Variants in APLP2 observed in about 807,000 individuals in gnomAD.
APLP2 encodes the protein amyloid beta precursor like protein 2, also known as CDEI box-binding protein.
In APLP2, 53 loss-of-function variants were observed where a neutral mutation model predicts 89.9. That is an observed-to-expected ratio of 0.59 (90% CI 0.47 to 0.74). The LOEUF (loss-of-function observed/expected upper bound fraction) is 0.74, where lower values mean the gene tolerates loss of function less well. APLP2 is among the 30% of genes least tolerant of loss of function. The pLI is 0.00. For synonymous variants in APLP2, 372 were observed against 348.6 expected, an observed-to-expected ratio of 1.07 and a Z score of -0.75; for missense variants, 973 against 975.9, an observed-to-expected ratio of 1.00 and a Z score of 0.04.
chr11:130,127,054 A>G (rs1950447621), intron 8 of APLP2, among the ~76,000 whole-genome samples: 1 of 134,414 alleles, frequency 7.4e-6, no homozygotes, highest in South Asian at 2.2e-4. Context: ...TTCCTATACC[A>G]TTATCTGCCC....
chr11:130,081,201 T>C (rs1387365066), intron 1 of APLP2, among the ~76,000 whole-genome samples: 3 of 152,224 alleles, frequency 2.0e-5, no homozygotes, highest in Non-Finnish European at 2.9e-5. Flanking sequence ...TCATTACATA[T>C]TTTGTAACGT....
chr11:130,088,971 A>C (rs901022984), intron 1 of APLP2, among the ~76,000 whole-genome samples: 1 of 151,964 alleles, frequency 6.6e-6, no homozygotes, highest in South Asian at 2.1e-4. Flanking sequence ...TCTGGTGGAC[A>C]AAAAACGCGG....
At chr11:130,110,429 A>G in intron 2 of APLP2, 109 bp from the exon 3 acceptor site, 3 of 1,315,394 alleles carry the variant, frequency 2.3e-6, no homozygotes, top group Non-Finnish European at 2.1e-6. Context: ...CTTTAGATGT[A>G]TGTAGGATAA....
chr11:130,103,995 C>T (rs966198042), intron 1 of APLP2, among the ~76,000 whole-genome samples: 21 of 152,112 alleles, frequency 1.4e-4, no homozygotes, highest in African/African-American at 4.8e-4. Flanking sequence ...ACGTATTTAT[C>T]ATGTCTTCTT....
At chr11:130,082,694 G>A in intron 1 of APLP2, 2 of 198,752 alleles carry the variant, frequency 1.0e-5, no homozygotes, top group South Asian at 7.6e-5. Flanking sequence ...GTCAGCCTGG[G>A]CACACGCCAC....
chr11:130,110,197 C>T (rs1948374433), intron 2 of APLP2, among the ~76,000 whole-genome samples: 1 of 152,228 alleles, frequency 6.6e-6, no homozygotes, highest in African/African-American at 2.4e-5. Context: ...TTTCCATAGA[C>T]TTGCCTCACG....
chr11:130,136,333 T>A (rs902380629), intron 13 of APLP2, among the ~76,000 whole-genome samples: 2 of 152,192 alleles, frequency 1.3e-5, no homozygotes, highest in Admixed American at 1.3e-4. Flanking sequence ...ATGATAAGAA[T>A]GGCCCACAGC....
chr11:130,081,437 C>G (rs894590256), intron 1 of APLP2, among the ~76,000 whole-genome samples: 1 of 152,166 alleles, frequency 6.6e-6, no homozygotes, highest in African/African-American at 2.4e-5. Flanking sequence ...CTATTTTACC[C>G]TCATTTTATA....
At chr11:130,083,428 T>G (rs1006308277) in intron 1 of APLP2, among the ~76,000 whole-genome samples, 3 of 152,212 alleles carry the variant, frequency 2.0e-5, no homozygotes, top group African/African-American at 7.2e-5. Context: ...GAAAATGTTA[T>G]ACAGCAAATC....
intron 11 of APLP2, among the ~76,000 whole-genome samples, chr11:130,132,957 C>T (rs551040047): frequency 1.3e-4 from 19 of 150,264 alleles, no homozygotes; most frequent in East Asian, 3.9e-4. Context: ...ACTGAACATT[C>T]GGCATTGTAC....
chr11:130,070,609 A>C (rs1359383626), intron 1 of APLP2: 1 of 1,400,348 alleles, frequency 7.1e-7, no homozygotes, highest in African/African-American at 1.5e-5. Context: ...CGCGCGCGGC[A>C]GGGATGCTGC....
intron 11 of APLP2, among the ~76,000 whole-genome samples, 196 bp downstream of exon 11, chr11:130,130,362 C>T (rs1287753341): frequency 6.6e-6 from 1 of 152,184 alleles, no homozygotes; most frequent in Non-Finnish European, 1.5e-5. Context: ...TTTTTAAATA[C>T]TTTTTTATAT....
intron 1 of APLP2, among the ~76,000 whole-genome samples, chr11:130,070,909 G>A (rs2135272662): frequency 6.6e-6 from 1 of 152,102 alleles, no homozygotes; most frequent in African/African-American, 2.4e-5. Context: ...AGGCGAAGCG[G>A]CAGGGCCGGG....
intron 1 of APLP2, among the ~76,000 whole-genome samples, chr11:130,096,224 G>T (rs1946191400): frequency 1.3e-5 from 2 of 152,210 alleles, no homozygotes; most frequent in African/African-American, 4.8e-5. Context: ...ACCCTGGCTT[G>T]TGACATCAAG....
intron 1 of APLP2, among the ~76,000 whole-genome samples, chr11:130,089,071 G>A (rs573769985): frequency 3.9e-5 from 6 of 152,008 alleles, no homozygotes; most frequent in African/African-American, 9.6e-5. Context: ...CCTACCACCC[G>A]TCCAATTTCT....
chr11:130,125,488 G>T (rs1390953137), intron 7 of APLP2, among the ~76,000 whole-genome samples: 1 of 152,120 alleles, frequency 6.6e-6, no homozygotes, highest in Non-Finnish European at 1.5e-5. Context: ...CTGAAAGTGG[G>T]ATATTGACAC....
rs1950115044 is a variant in APLP2 at position 130,123,970 on chromosome 11, T to G, written c.1090+191T>G. Among the ~76,000 whole-genome samples the G allele has an allele frequency of 6.6e-6, 1 of 152,138 alleles. No homozygotes were observed. The highest frequency in any genetic ancestry group is 2.4e-5 in the African/African-American group (1 of 41,422). ...TCCTGCCGGCAGTGGTAAGCTCAGT[T>G]CTCGTGTCCTGTGCTCACCGTGTGT... On this transcript the variant is annotated intron_variant, in intron 7 of 16. Coordinates refer to ENST00000338167, the MANE Select transcript of APLP2 (RefSeq NM_001142276.2). The surrounding 1 kb of genome is among the most constrained non-coding windows in gnomAD (Gnocchi z 4.0).
Position 130,110,632 on chromosome 11 carries a change from G to A in APLP2, c.374G>A (p.Ser125Asn). ...CGGAGGGACAAAAAGCAATGCAAGA[G>A]TCGCTTTGTTACACCTTTCAAGTGT... ...WCRRDKKQCK[S>N]RFVTPFKCLV... The change falls in exon 3 of 17, where the codon AGT becomes AAT. Residue 125 changes from serine (S) to asparagine (N), a missense_variant. By Grantham distance (46) the Ser-to-Asn change is conservative. Transcript: ENST00000338167. 1 of 1,614,010 alleles carries A rather than the reference G, an allele frequency of 6.2e-7. No homozygotes were observed. Among genetic ancestry groups the A allele is most frequent in the Non-Finnish European group, 8.5e-7 (1 of 1,179,984 alleles).
At chr11:130,079,807 C>G (rs1942858444) in intron 1 of APLP2, among the ~76,000 whole-genome samples, 1 of 152,160 alleles carries the variant, frequency 6.6e-6, no homozygotes, top group Admixed American at 6.5e-5. Context: ...AGTCTGACTT[C>G]TCTCAGAGGG....
Sources: gnomAD v4.1 joint callset for allele counts (sites outside exome capture counted in the v4.1 genomes callset) on GRCh38, gnomAD v4.1.1 for gene constraint, Gnocchi (gnomAD v3.1) non-coding constraint, MANE v1.5 for transcripts, NCBI Gene and HGNC (gene_info 2026-07-23, HGNC 2026-07-21) for gene names.